The following GRAMD1C variants were observed in gnomAD, a reference collection of about 807,000 sequenced individuals.
GRAMD1C encodes protein Aster-C.
Under a neutral mutation model 97.8 loss-of-function variants are expected in GRAMD1C, and 89 were observed. The ratio of observed to expected loss-of-function variants is 0.91; its 90% CI spans 0.77 to 1.09. The LOEUF (loss-of-function observed/expected upper bound fraction) is 1.09. Ranked by LOEUF, GRAMD1C falls within the 50% of genes least tolerant of loss-of-function variation. The probability of loss-of-function intolerance (pLI) is 0.00; values close to 1 mark genes in which losing one functional copy is unlikely to be tolerated. For synonymous variants in GRAMD1C, 256 were observed against 267.0 expected, an observed-to-expected ratio of 0.96 and a Z score of 0.40; for missense variants, 740 against 766.4, an observed-to-expected ratio of 0.97 and a Z score of 0.41.
chr3:113,912,560 C>T (rs1936641165), intron 9 of GRAMD1C, among the ~76,000 whole-genome samples: 2 of 151,904 alleles, frequency 1.3e-5, no homozygotes, highest in Admixed American at 6.6e-5. Flanking sequence ...CTGGGCAAGA[C>T]TTGTCTCTAC....
In GRAMD1C at chr3:113,939,965, C is replaced by T. The variant is rs970698305; in HGVS notation, c.1771C>T (p.Arg591Cys). The change falls in exon 16 of 18, where the codon CGT becomes TGT. Residue 591 changes from arginine (R) to cysteine (C), a missense_variant. Transcript: ENST00000358160. ...KIEHAAQSFY[R>C]LRLQEEKSLN... is the part of the protein sequence containing the mutation. ...AGAACATGCTGCTCAGTCCTTTTAC[C>T]GTCTCCGCCTCCAAGAAGAGAAATC... The T allele has an allele frequency of 3.1e-6, 5 of 1,597,962 alleles. No individual in the cohort carries two copies. The highest frequency in any genetic ancestry group is 1.1e-5 in the South Asian group (1 of 90,710).
intron 17 of GRAMD1C, among the ~76,000 whole-genome samples, chr3:113,941,705 G>T (rs1937790193): frequency 6.8e-6 from 1 of 147,780 alleles, no homozygotes; most frequent in African/African-American, 2.5e-5. Context: ...CACAACCTCT[G>T]CCTCCCAGGT....
At position 113,913,429 on chromosome 3, in the gene GRAMD1C, CAAAAAAA is replaced by C. The variant is rs765510213; in HGVS notation, c.953-2256_953-2250del. Reference sequence around the variant, plus strand: ...AATCTCAAGAGTGAGACTCTGTCTCCAAAAAAAAAAAAAAAAAAAAAAGAATCCTATA... The same window carrying C: ...AATCTCAAGAGTGAGACTCTGTCTCCAAAAAAAAAAAAAAAGAATCCTATA... On this transcript the variant is annotated intron_variant, in intron 9 of 17. Coordinates refer to ENST00000358160, the MANE Select transcript of GRAMD1C (RefSeq NM_017577.5). Among the ~76,000 whole-genome samples the C allele has an allele frequency of 1.6e-4, 11 of 68,284 alleles. No homozygotes were observed. In the East Asian group the frequency reaches 2.4e-3, roughly 15 times the overall value. 44.8% of individuals were successfully genotyped at this position (68,284 alleles called of 152,430 possible).
Position 113,947,028 on chromosome 3 carries a change from C to A in GRAMD1C, c.*1550C>A, listed in dbSNP as rs981492620. 1 of 152,136 alleles carries A rather than the reference C, an allele frequency of 6.6e-6. No individual in the cohort carries two copies. The highest frequency in any genetic ancestry group is 2.4e-5 in the African/African-American group (1 of 41,428). 9.4% of individuals were successfully genotyped at this position (152,136 alleles called of 1,614,324 possible). A position where few individuals can be genotyped will look rare whatever the true frequency, so the allele number is the denominator to read the frequency against. ...AATATTTTTGTGATGTTTATTTAAA[C>A]GTTGTATTTTATAACATACTTCAAG... On this transcript the variant is annotated 3_prime_UTR_variant, in exon 18 of 18. Transcript: ENST00000358160.
chr3:113,938,056 C>G lies in GRAMD1C; in HGVS notation c.1634-30C>G, dbSNP rs772270368. 13 of 1,169,240 alleles carry G rather than the reference C, an allele frequency of 1.1e-5. 1 individual carries two copies. The highest frequency in any genetic ancestry group is 4.9e-5 in the East Asian group (2 of 40,406). The allele number at this position is 1,169,240 out of a possible 1,614,324, so 72.4% of individuals were successfully genotyped here. A position where few individuals can be genotyped will look rare whatever the true frequency, so the allele number is the denominator to read the frequency against. On this transcript the variant is annotated intron_variant, in intron 14 of 17. Transcript: ENST00000358160. ...ATCAGTTGTAATCACAATTCTCATTCTAATGCAGCCTTTTTCTTGTGATCT... is the reference window on the plus strand; with the variant it reads ...ATCAGTTGTAATCACAATTCTCATTGTAATGCAGCCTTTTTCTTGTGATCT...
chr3:113,868,928 A>G (rs1202948315), intron 2 of GRAMD1C, among the ~76,000 whole-genome samples: 1 of 151,958 alleles, frequency 6.6e-6, no homozygotes, highest in Non-Finnish European at 1.5e-5. Flanking sequence ...CTAATTTGCC[A>G]TTCTGCTTGC....
chr3:113,932,543 A>G (rs1410156412), intron 11 of GRAMD1C, among the ~76,000 whole-genome samples: 1 of 152,158 alleles, frequency 6.6e-6, no homozygotes, highest in Non-Finnish European at 1.5e-5. Flanking sequence ...TGGGATCCTT[A>G]CTTCATTCAA....
intron 9 of GRAMD1C, among the ~76,000 whole-genome samples, chr3:113,912,372 T>A (rs1367729108): frequency 2.0e-5 from 3 of 152,240 alleles, no homozygotes; most frequent in Admixed American, 6.5e-5. Flanking sequence ...TTTAATTTTT[T>A]AAAACATATT....
upstream of GRAMD1C, among the ~76,000 whole-genome samples, chr3:113,837,238 C>T (rs1709647946): frequency 6.6e-6 from 1 of 152,136 alleles, no homozygotes; most frequent in Non-Finnish European, 1.5e-5. Flanking sequence ...TCCCAAAGTG[C>T]TGGAATTACA....
intron 3 of GRAMD1C, among the ~76,000 whole-genome samples, chr3:113,873,155 T>C (rs1934900086): frequency 6.9e-6 from 1 of 144,998 alleles, no homozygotes; most frequent in Middle Eastern, 4.1e-3. Flanking sequence ...AGCTACTCGG[T>C]AGACTGAGAC....
At chr3:113,927,822 T>C (rs1180406330) in intron 10 of GRAMD1C, among the ~76,000 whole-genome samples, 1 of 152,162 alleles carries the variant, frequency 6.6e-6, no homozygotes, top group East Asian at 1.9e-4. Context: ...CCAAGTCTTG[T>C]CTGGCAAGGT....
chr3:113,844,933 CA>C, intron 2 of GRAMD1C: 1 of 242,286 alleles, frequency 4.1e-6, no homozygotes, highest in Non-Finnish European at 7.8e-6. Context: ...ACTGTATTGT[CA>C]AGAGACTAAT....
intron 5 of GRAMD1C, among the ~76,000 whole-genome samples, chr3:113,877,565 G>A (rs916531516): frequency 1.3e-5 from 2 of 152,124 alleles, no homozygotes; most frequent in African/African-American, 4.8e-5. Context: ...ATTTGTGTTT[G>A]TCTGATGTTC....
intron 6 of GRAMD1C, among the ~76,000 whole-genome samples, chr3:113,900,742 C>T (rs1478522279): frequency 6.6e-6 from 1 of 151,856 alleles, no homozygotes; most frequent in Non-Finnish European, 1.5e-5. Flanking sequence ...AATTATTTTA[C>T]AGAAAGAAAA....
chr3:113,831,045 C>T (rs1709551058), intron 1 of GRAMD1C, among the ~76,000 whole-genome samples: 1 of 152,126 alleles, frequency 6.6e-6, no homozygotes. Context: ...GCTGAGATCG[C>T]ACCACTGCAC....
intron 3 of GRAMD1C, among the ~76,000 whole-genome samples, chr3:113,874,241 T>C (rs960925606): frequency 3.3e-5 from 5 of 152,228 alleles, no homozygotes; most frequent in African/African-American, 4.8e-5. Flanking sequence ...TTACTAATAA[T>C]TTAGCAGTAC....
chr3:113,842,230 G>T (rs1282710993), intron 1 of GRAMD1C, among the ~76,000 whole-genome samples: 1 of 152,136 alleles, frequency 6.6e-6, no homozygotes, highest in African/African-American at 2.4e-5. Flanking sequence ...GGGATACCTT[G>T]TTTAAATTTA....
chr3:113,924,223 AC>A (rs974138253), intron 10 of GRAMD1C, among the ~76,000 whole-genome samples: 7 of 151,354 alleles, frequency 4.6e-5, no homozygotes, highest in African/African-American at 1.5e-4. Context: ...CAAAGAGCCA[AC>A]TTATGATTTC....
At chr3:113,920,747 T>A (rs1217184979) in intron 10 of GRAMD1C, among the ~76,000 whole-genome samples, 1 of 152,132 alleles carries the variant, frequency 6.6e-6, no homozygotes, top group Non-Finnish European at 1.5e-5. Context: ...TTCACCATGT[T>A]GGCCAGGCTG....
Sources: allele counts gnomAD v4.1 joint callset (sites outside exome capture counted in the v4.1 genomes callset), GRCh38; gene constraint gnomAD v4.1.1; transcripts MANE v1.5; gene names NCBI Gene and HGNC (gene_info 2026-07-23, HGNC 2026-07-21).